Variants in TMPRSS11A observed in about 807,000 individuals in gnomAD.
The protein encoded by TMPRSS11A is transmembrane protease serine 11A.
Under a neutral mutation model 58.9 loss-of-function variants are expected in TMPRSS11A, and 53 were observed. That is an observed-to-expected ratio of 0.90 (90% confidence interval 0.72 to 1.13). The LOEUF (loss-of-function observed/expected upper bound fraction) is 1.13, where lower values mean the gene tolerates loss of function less well. Among genes scored for constraint, TMPRSS11A ranks in the 50% most tolerant of loss-of-function variants. TMPRSS11A has a pLI of 0.00. For missense variants in TMPRSS11A, 493 were observed against 499.3 expected (o/e 0.99, Z 0.12); for synonymous variants, 167 against 169.8 (o/e 0.98, Z 0.13).
intron 3 of TMPRSS11A, among the ~76,000 whole-genome samples, chr4:67,942,205 A>G (rs1720897391): frequency 6.6e-6 from 1 of 152,228 alleles, no homozygotes; most frequent in African/African-American, 2.4e-5. Context: ...TGGCAAATTT[A>G]GAAAGCCAAA....
At chr4:67,929,471 T>C (rs567421847) in intron 5 of TMPRSS11A, among the ~76,000 whole-genome samples, 2 of 152,362 alleles carry the variant, frequency 1.3e-5, no homozygotes, top group African/African-American at 4.8e-5. Context: ...ACAAAAATTG[T>C]ATATCACCAT....
At chr4:67,951,777 C>T (rs1721168042) in intron 1 of TMPRSS11A, among the ~76,000 whole-genome samples, 1 of 152,168 alleles carries the variant, frequency 6.6e-6, no homozygotes, top group South Asian at 2.1e-4. Flanking sequence ...TACAAGTCTA[C>T]TTAACTCCTA....
chr4:67,914,615 A>G lies in TMPRSS11A; in HGVS notation c.1068T>C (p.Tyr356=). 1 of 1,613,784 alleles carries G rather than the reference A, an allele frequency of 6.2e-7. No homozygotes were observed. Among genetic ancestry groups the G allele is most frequent in the Non-Finnish European group, 8.5e-7 (1 of 1,179,860 alleles). ...DIKPGMFCAG[Y]MEGIYDACRG... Reference sequence around the variant, plus strand: ...TGCAGGCATCATAAATTCCTTCCATATATCCGGCACAGAACATTCCAGGTT... The same window carrying G: ...TGCAGGCATCATAAATTCCTTCCATGTATCCGGCACAGAACATTCCAGGTT... The change falls in exon 9 of 10, where the codon TAT becomes TAC. Residue 356 remains tyrosine, a synonymous_variant. Coordinates refer to ENST00000508048, the MANE Select transcript of TMPRSS11A (RefSeq NM_001114387.2).
intron 1 of TMPRSS11A, among the ~76,000 whole-genome samples, chr4:67,953,285 C>T (rs1721206619): frequency 6.6e-6 from 1 of 152,138 alleles, no homozygotes; most frequent in Non-Finnish European, 1.5e-5. Flanking sequence ...ATAGAATCCT[C>T]ACTTATGCAA....
chr4:67,917,701 G>T (rs1269871413), intron 8 of TMPRSS11A, among the ~76,000 whole-genome samples: 3 of 152,146 alleles, frequency 2.0e-5, no homozygotes, highest in Non-Finnish European at 4.4e-5. Flanking sequence ...GCCACTCACA[G>T]CGCATTATGA....
chr4:67,912,374 T>A (rs969927855), intron 9 of TMPRSS11A, among the ~76,000 whole-genome samples: 1 of 152,102 alleles, frequency 6.6e-6, no homozygotes, highest in African/African-American at 2.4e-5. Flanking sequence ...CTGGTTACTT[T>A]AAGCCTGGTG....
Position 67,962,870 on chromosome 4 carries a change from C to T in TMPRSS11A, c.11+513G>A, listed in dbSNP as rs147955450. 4.6e-5 allele frequency among the ~76,000 whole-genome samples: 7 copies of T among 152,292 alleles called. No individual in the cohort carries two copies. The East Asian group carries it at 1.4e-3, about 29-fold the overall frequency. On this transcript the variant is annotated intron_variant, in intron 1 of 9. Coordinates refer to ENST00000508048, the MANE Select transcript of TMPRSS11A (RefSeq NM_001114387.2). Reference sequence around the variant, plus strand: ...TTTCCCAGTATTGAGCTTGTTTTCTCATTCTCCCACATGGAAGCCCTGGGT... The same window carrying T: ...TTTCCCAGTATTGAGCTTGTTTTCTTATTCTCCCACATGGAAGCCCTGGGT...
chr4:67,943,374 C>T (rs1720925094), intron 3 of TMPRSS11A, among the ~76,000 whole-genome samples: 1 of 152,100 alleles, frequency 6.6e-6, no homozygotes, highest in Non-Finnish European at 1.5e-5. Context: ...TCAAAATTTC[C>T]CAGTAAATTG....
intron 1 of TMPRSS11A, 136 bp from the exon 2 acceptor site, chr4:67,946,707 TTGG>T: frequency 1.2e-6 from 1 of 816,368 alleles, no homozygotes; most frequent in Non-Finnish European, 1.8e-6. Context: ...CAATGTCATC[TTGG>T]TCTGAGAAGA....
chr4:67,949,831 C>T (rs1721117798), intron 1 of TMPRSS11A, among the ~76,000 whole-genome samples: 1 of 152,264 alleles, frequency 6.6e-6, no homozygotes, highest in Non-Finnish European at 1.5e-5. Context: ...TGCACTCCAG[C>T]CTGGGCGACT....
chr4:67,947,490 T>C (rs1721050662), intron 1 of TMPRSS11A, among the ~76,000 whole-genome samples: 1 of 152,240 alleles, frequency 6.6e-6, no homozygotes, highest in Admixed American at 6.5e-5. Context: ...TTTCCTGTGG[T>C]ATTATTTAAC....
chr4:67,924,434 T>C (rs1336224466), intron 5 of TMPRSS11A, among the ~76,000 whole-genome samples: 2 of 152,194 alleles, frequency 1.3e-5, no homozygotes, highest in Admixed American at 6.5e-5. Context: ...AAATAGTTTG[T>C]ATTAATAGAG....
At chr4:67,952,422 G>A (rs1337173000) in intron 1 of TMPRSS11A, among the ~76,000 whole-genome samples, 1 of 152,214 alleles carries the variant, frequency 6.6e-6, no homozygotes, top group Non-Finnish European at 1.5e-5. Context: ...AGGATTTATA[G>A]AATCAGTGTA....
At position 67,926,216 on chromosome 4, in the gene TMPRSS11A, C is replaced by A. The variant is rs1366053972; in HGVS notation, c.482-2050G>T. Among the ~76,000 whole-genome samples the A allele has an allele frequency of 5.2e-5, 7 of 134,200 alleles. No homozygotes were observed. In the East Asian group the frequency reaches 1.7e-3, roughly 33 times the overall value. The allele number at this position is 134,200 out of a possible 152,430, so 88.0% of individuals were successfully genotyped here. ...TGTCACACTGTGTCTCCTGAAGGAC[C>A]CACACCACACAGTTTTTTTTTGTCA... On this transcript the variant is annotated intron_variant, in intron 5 of 9. Transcript: ENST00000508048.
At chr4:67,925,597 G>C (rs1027623059) in intron 5 of TMPRSS11A, among the ~76,000 whole-genome samples, 2 of 152,188 alleles carry the variant, frequency 1.3e-5, no homozygotes, top group Admixed American at 6.5e-5. Context: ...CCAAATCATT[G>C]TATGGTGAAG....
chr4:67,919,781 G>A (rs1350476607), intron 7 of TMPRSS11A, among the ~76,000 whole-genome samples: 2 of 152,168 alleles, frequency 1.3e-5, no homozygotes, highest in Non-Finnish European at 2.9e-5. Context: ...GAGGAGATGA[G>A]GGAAACAAGT....
chr4:67,953,445 A>T (rs1577872165), intron 1 of TMPRSS11A, among the ~76,000 whole-genome samples: 1 of 152,124 alleles, frequency 6.6e-6, no homozygotes, highest in East Asian at 1.9e-4. Context: ...AATTAGATTG[A>T]AGTAAAAGTT....
intron 8 of TMPRSS11A, among the ~76,000 whole-genome samples, chr4:67,917,229 C>A (rs1194937023): frequency 6.6e-6 from 1 of 150,590 alleles, no homozygotes; most frequent in Non-Finnish European, 1.5e-5. Flanking sequence ...GATTTGATAT[C>A]TTTCCTTATA....
chr4:67,940,161 T>C (rs553375333), intron 3 of TMPRSS11A, among the ~76,000 whole-genome samples: 124 of 152,350 alleles, frequency 8.1e-4, no homozygotes, highest in African/African-American at 2.9e-3. Context: ...GATTTTTATA[T>C]CTATGTTCAT....
Sources: gnomAD v4.1 joint callset for allele counts (sites outside exome capture counted in the v4.1 genomes callset) on GRCh38, gnomAD v4.1.1 for gene constraint, MANE v1.5 for transcripts, NCBI Gene and HGNC (gene_info 2026-07-23, HGNC 2026-07-21) for gene names.